POLE: variants seen among roughly 807,000 people sequenced by gnomAD.
The protein encoded by POLE is DNA polymerase epsilon catalytic subunit A.
In POLE, 188 loss-of-function variants were observed where a neutral mutation model predicts 279.2. The ratio of observed to expected loss-of-function variants is 0.67; its 90% CI spans 0.60 to 0.76. The LOEUF (loss-of-function observed/expected upper bound fraction) is 0.76. Ranked by LOEUF, POLE falls within the 30% of genes least tolerant of loss-of-function variation. The pLI, the probability that POLE is intolerant of heterozygous loss-of-function variation, is 0.00. For missense variants in POLE, 2,703 were observed against 3,016.7 expected, an observed-to-expected ratio of 0.90 and a Z score of 2.44; for synonymous variants, 1,214 against 1,172.5, an observed-to-expected ratio of 1.04 and a Z score of -0.72.
chr12:132,678,446 A>G (rs2136024504), intron 6 of POLE, among the ~76,000 whole-genome samples: 1 of 151,820 alleles, frequency 6.6e-6, no homozygotes, highest in East Asian at 1.9e-4. Context: ...GGCATGGGGT[A>G]CACACCTGTG....
Position 132,675,576 on chromosome 12 carries a change from T to C in POLE, c.1107-59A>G, listed in dbSNP as rs1016648633. On this transcript the variant is annotated intron_variant, in intron 11 of 48. Coordinates refer to ENST00000320574, the MANE Select transcript of POLE (RefSeq NM_006231.4). The surrounding 1 kb of genome is among the most constrained non-coding windows in gnomAD (Gnocchi z 4.3). ...CAGGTCAGGCTCTAATGCCCCTTTC[T>C]CCATTCCTCCCTCAGACCCAGGGAG... 8 of 1,606,956 alleles carry C rather than the reference T, an allele frequency of 5.0e-6. No homozygotes were observed. In the African/African-American group the frequency reaches 8.0e-5, roughly 16 times the overall value.
chr12:132,625,096 T>G (rs987077739), intron 47 of POLE, 102 bp from the exon 48 acceptor site: 1 of 839,818 alleles, frequency 1.2e-6, no homozygotes, highest in African/African-American at 1.7e-5. Flanking sequence ...GGCCCATCAG[T>G]AAGCCTCGAG....
Position 132,677,259 on chromosome 12 carries a change from A to G in POLE, c.801+104T>C, listed in dbSNP as rs951335098. 3 of 827,740 alleles carry G rather than the reference A, an allele frequency of 3.6e-6. No homozygotes were observed. The African/African-American group carries it at 5.1e-5, about 14-fold the overall frequency. The allele number at this position is 827,740 out of a possible 1,614,324, so 51.3% of individuals were successfully genotyped here. ...CCTTTAATAAAGTATTTGGGGGAAA[A>G]GCAGCAAACATATCTTTGAGTCAGA... is the stretch of plus-strand genomic sequence containing the variant. On this transcript the variant is annotated intron_variant, in intron 8 of 48. Transcript: ENST00000320574.
intron 2 of POLE, 36 bp downstream of exon 2, chr12:132,681,102 C>A (rs2136033127): frequency 1.2e-6 from 2 of 1,612,062 alleles, no homozygotes; most frequent in Non-Finnish European, 1.7e-6. Context: ...AGGGTTGCAG[C>A]CATATTCCTG....
chr12:132,672,949 G>A (rs766685930), intron 14 of POLE, 110 bp from the exon 15 acceptor site: 21 of 1,022,472 alleles, frequency 2.1e-5, no homozygotes, highest in Middle Eastern at 2.7e-4. Flanking sequence ...AGAAAACCTC[G>A]TGGTAAATGG....
intron 16 of POLE, among the ~76,000 whole-genome samples, chr12:132,670,240 G>A (rs1478447375): frequency 2.6e-5 from 4 of 151,270 alleles, no homozygotes; most frequent in African/African-American, 9.7e-5. Context: ...CCCAGGCGTG[G>A]TGGCAAGCGC....
chr12:132,662,383 G>A (rs944856130), intron 23 of POLE, among the ~76,000 whole-genome samples: 2 of 152,222 alleles, frequency 1.3e-5, no homozygotes, highest in African/African-American at 4.8e-5. Context: ...TGGACTCTAG[G>A]ATTGAACAAA....
At chr12:132,682,704 C>A (rs1348130599) in intron 1 of POLE, among the ~76,000 whole-genome samples, 2 of 152,066 alleles carry the variant, frequency 1.3e-5, no homozygotes, top group Non-Finnish European at 2.9e-5. Context: ...GTAATCCCAG[C>A]ACTTTGGGAG....
intron 45 of POLE, among the ~76,000 whole-genome samples, chr12:132,631,304 G>A (rs1181720178): frequency 6.6e-6 from 1 of 152,198 alleles, no homozygotes; most frequent in Non-Finnish European, 1.5e-5. Flanking sequence ...AGGGCAGTGC[G>A]GGGAATGTTT....
rs1060500781 is a variant in POLE at position 132,672,250 on chromosome 12, T to C, written c.1759A>G (p.Lys587Glu). The C allele has an allele frequency of 6.2e-7, 1 of 1,614,154 alleles. No individual in the cohort carries two copies. The highest frequency in any genetic ancestry group is 8.5e-7 in the Non-Finnish European group (1 of 1,180,000). The change falls in exon 16 of 49, where the codon AAA becomes GAA. Residue 587 changes from lysine (K) to glutamate (E), a missense_variant. By Grantham distance (56) the Lys-to-Glu change is moderately conservative. Transcript: ENST00000320574. ...TLRHALEEEEKVPVEQVTNFE... is the reference protein window; with the variant it reads ...TLRHALEEEEEVPVEQVTNFE... Reference sequence around the variant, plus strand: ...TTGGTGACTTGCTCCACAGGCACTTTCTCCTCTTCCTCAAGGGCGTGGCGC... The same window carrying C: ...TTGGTGACTTGCTCCACAGGCACTTCCTCCTCTTCCTCAAGGGCGTGGCGC...
At chr12:132,683,739 C>T (rs1358510950) in intron 1 of POLE, among the ~76,000 whole-genome samples, 1 of 152,228 alleles carries the variant, frequency 6.6e-6, no homozygotes. Flanking sequence ...GCCAGTCCTC[C>T]AAATATCCTT....
At chr12:132,670,864 A>T (rs1026347267) in intron 16 of POLE, among the ~76,000 whole-genome samples, 12 of 152,218 alleles carry the variant, frequency 7.9e-5, no homozygotes, top group Admixed American at 3.3e-4. Flanking sequence ...GAGTTCCCTG[A>T]AGTATAATAA....
At chr12:132,667,384 C>T (rs1427174950) in intron 20 of POLE, 119 bp downstream of exon 20, 3 of 1,025,098 alleles carry the variant, frequency 2.9e-6, no homozygotes. Flanking sequence ...TTGCACGTTA[C>T]CATCCGAGTG....
rs5745028 is a variant in POLE at position 132,632,153 on chromosome 12, A to G, written c.6330+162T>C. Among the ~76,000 whole-genome samples the G allele has an allele frequency of 0.5, 75,274 of 152,038 alleles. 19,270 individuals carry two copies. Among genetic ancestry groups the G allele is most frequent in the East Asian group, 0.7 (3,627 of 5,172 alleles). On this transcript the variant is annotated intron_variant, in intron 45 of 48. Coordinates refer to ENST00000320574, the MANE Select transcript of POLE (RefSeq NM_006231.4). ...CTGAAAGCCTCATCCTGCATTCATT[A>G]ACATCCTTACCATGCACAGGTATGT...
intron 27 of POLE, 128 bp from the exon 28 acceptor site, chr12:132,657,557 G>A (rs2042574060): frequency 1.2e-6 from 1 of 801,686 alleles, no homozygotes. Flanking sequence ...TATGATGAAA[G>A]GTGCCCATTG....
At position 132,668,747 on chromosome 12, in the gene POLE, G is replaced by A. The variant is rs1389436019; in HGVS notation, c.1924-10C>T. Reference sequence around the variant, plus strand: ...CCACCATGGCAGAGGGCTGGGAGGGGTGAGAAAGCACTTAGGGCTGGGCAG... The same window carrying A: ...CCACCATGGCAGAGGGCTGGGAGGGATGAGAAAGCACTTAGGGCTGGGCAG... On this transcript the variant is annotated splice_polypyrimidine_tract_variant and intron_variant, in intron 17 of 48. Coordinates refer to ENST00000320574, the MANE Select transcript of POLE (RefSeq NM_006231.4). This position sits in a 1 kb window ranked among gnomAD's most constrained non-coding sequence, Gnocchi z 4.0. 4 of 1,613,858 alleles carry A rather than the reference G, an allele frequency of 2.5e-6. No homozygotes were observed. Among genetic ancestry groups the A allele is most frequent in the East Asian group, 2.2e-5 (1 of 44,872 alleles).
Position 132,682,311 on chromosome 12 carries a change from A to AATAAATAAAT in POLE, c.63-1033_63-1032insATTTATTTAT, listed in dbSNP as rs61693359. 5.5e-3 allele frequency among the ~76,000 whole-genome samples: 413 copies of AATAAATAAAT among 74,452 alleles called. 2 individuals are homozygous for AATAAATAAAT. Among genetic ancestry groups the AATAAATAAAT allele is most frequent in the Admixed American group, 8.7e-3 (75 of 8,638 alleles). 48.8% of individuals were successfully genotyped at this position (74,452 alleles called of 152,430 possible). ...TCCGGCAAAAAAAAAAAAATAAATA[A>AATAAATAAAT]AAATAAATAAATAAATAAATAAATT... On this transcript the variant is annotated intron_variant, in intron 1 of 48. Coordinates refer to ENST00000320574, the MANE Select transcript of POLE (RefSeq NM_006231.4).
In POLE at chr12:132,675,400, G is replaced by T. The variant is rs748536025; in HGVS notation, c.1224C>A (p.Leu408=). Residue 408 remains leucine (L), a splice_region_variant and synonymous_variant, in exon 12 of 49, where the codon CTC becomes CTA. Transcript: ENST00000320574. The surrounding 1 kb of genome is among the most constrained non-coding windows in gnomAD (Gnocchi z 4.3). ...KAPQCIHMDC[L]RWVKRDSYLP... is the part of the protein sequence containing the mutation. The stretch of plus-strand genomic sequence containing the variant: ...CCATGCTGCTCTGTGGCCCCTACCT[G>T]AGGCAGTCCATGTGGATGCACTGGG... The T allele has an allele frequency of 1.6e-5, 26 of 1,614,018 alleles. No individual in the cohort carries two copies. Among genetic ancestry groups the T allele is most frequent in the Non-Finnish European group, 2.1e-5 (25 of 1,179,978 alleles).
intron 46 of POLE, 100 bp from the exon 47 acceptor site, chr12:132,625,870 G>A: frequency 1.3e-6 from 2 of 1,488,184 alleles, no homozygotes; most frequent in Non-Finnish European, 1.8e-6. Context: ...GAAGCGCCTG[G>A]TGACGGGCGA....
Sources: gnomAD v4.1 joint callset for allele counts (sites outside exome capture counted in the v4.1 genomes callset) on GRCh38, gnomAD v4.1.1 for gene constraint, Gnocchi (gnomAD v3.1) non-coding constraint, MANE v1.5 for transcripts, NCBI Gene and HGNC (gene_info 2026-07-23, HGNC 2026-07-21) for gene names.